MYT1L: variants seen among roughly 807,000 people sequenced by gnomAD.
The protein encoded by MYT1L is myelin transcription factor 1-like protein.
In MYT1L, 12 loss-of-function variants were observed where a neutral mutation model predicts 126.7. That is an observed-to-expected ratio of 0.09 (90% CI 0.06 to 0.15). The LOEUF (loss-of-function observed/expected upper bound fraction) is 0.15. Ranked by LOEUF, MYT1L falls within the 10% of genes least tolerant of loss-of-function variation. MYT1L has a pLI of 1.00. For synonymous variants in MYT1L, 541 were observed against 604.2 expected (o/e 0.90, Z 1.53); for missense variants, 979 against 1,585.2 (o/e 0.62, Z 6.49).
In MYT1L at chr2:1,929,932, C is replaced by A. The variant is rs1006053715; in HGVS notation, c.506-6669G>T. Among the ~76,000 whole-genome samples, 47 of 152,150 alleles carry A rather than the reference C, an allele frequency of 3.1e-4. No homozygotes were observed. The highest frequency in any genetic ancestry group is 4.4e-4 in the Non-Finnish European group (30 of 68,028). On this transcript the variant is annotated intron_variant, in intron 9 of 24. Coordinates refer to ENST00000647738, the MANE Select transcript of MYT1L (RefSeq NM_001303052.2). This position sits in a 1 kb window ranked among gnomAD's most constrained non-coding sequence, Gnocchi z 4.7. ...CAAAACCGGGACATATTCGGAGGGT[C>A]ACAACGCAGTGTCATCTCTAAGATA...
intron 3 of MYT1L, among the ~76,000 whole-genome samples, chr2:2,150,812 G>T (rs1165533599): frequency 6.7e-6 from 1 of 150,144 alleles, no homozygotes; most frequent in Non-Finnish European, 1.5e-5. Context: ...AAAAGAGAAA[G>T]AGAGGGAGTG....
chr2:2,281,005 A>G (rs76033310), intron 2 of MYT1L, among the ~76,000 whole-genome samples: 19,788 of 152,152 alleles, frequency 0.13, 1,608 homozygotes, highest in Admixed American at 0.26. Flanking sequence ...CCGTGGTGAT[A>G]TGGTTTGGCT....
intron 2 of MYT1L, among the ~76,000 whole-genome samples, chr2:2,184,891 A>C (rs1193364444): frequency 6.6e-6 from 1 of 152,224 alleles, no homozygotes; most frequent in Non-Finnish European, 1.5e-5. Flanking sequence ...GCAGCTCGGC[A>C]CTTTAGCTGG....
At chr2:2,079,390 C>T (rs932516426) in intron 3 of MYT1L, among the ~76,000 whole-genome samples, 2 of 152,138 alleles carry the variant, frequency 1.3e-5, no homozygotes, top group Admixed American at 1.3e-4. Flanking sequence ...GAATATTTAA[C>T]ATTATTAAGG....
chr2:2,092,134 T>C (rs992847641), intron 3 of MYT1L, among the ~76,000 whole-genome samples: 2 of 152,236 alleles, frequency 1.3e-5, no homozygotes, highest in Admixed American at 6.5e-5. Context: ...GCTTTTGACC[T>C]GTCTTAGGTT....
At chr2:2,001,715 T>C (rs1049179195) in intron 4 of MYT1L, among the ~76,000 whole-genome samples, 5 of 152,200 alleles carry the variant, frequency 3.3e-5, no homozygotes, top group African/African-American at 1.2e-4. Flanking sequence ...TGTCCTGAAG[T>C]AATTCAGGCA....
At chr2:2,151,089 A>C (rs1021679803) in intron 3 of MYT1L, among the ~76,000 whole-genome samples, 2 of 152,208 alleles carry the variant, frequency 1.3e-5, no homozygotes, top group Non-Finnish European at 1.5e-5. Flanking sequence ...GACAGTAAAA[A>C]CTTTGAGTCT....
chr2:1,876,629 C>T (rs192838264), intron 18 of MYT1L, among the ~76,000 whole-genome samples: 1 of 152,168 alleles, frequency 6.6e-6, no homozygotes, highest in Non-Finnish European at 1.5e-5. Context: ...TGACCCTATG[C>T]GTGCCGCCAT....
intron 13 of MYT1L, among the ~76,000 whole-genome samples, chr2:1,905,659 C>T (rs888315664): frequency 5.3e-5 from 8 of 152,170 alleles, no homozygotes; most frequent in African/African-American, 1.4e-4. Flanking sequence ...TGGAGGAAGA[C>T]AGTAATTTTT....
At chr2:1,945,465 A>G (rs1291060758) in intron 8 of MYT1L, among the ~76,000 whole-genome samples, 1 of 152,084 alleles carries the variant, frequency 6.6e-6, no homozygotes, top group Non-Finnish European at 1.5e-5. Context: ...GTACAGTCAG[A>G]CCCTGGGTGA....
At chr2:1,903,323 G>A (rs376422338) in intron 13 of MYT1L, 29 bp from the exon 14 acceptor site, 18 of 1,574,376 alleles carry the variant, frequency 1.1e-5, no homozygotes, top group Non-Finnish European at 1.4e-5. Flanking sequence ...ACAAACAACA[G>A]CTTGCTTTCC....
chr2:1,952,711 C>T (rs868632782), intron 8 of MYT1L, among the ~76,000 whole-genome samples: 2 of 55,616 alleles, frequency 3.6e-5, no homozygotes, highest in Non-Finnish European at 8.1e-5. Flanking sequence ...TCTTCCTTCC[C>T]TTCCCTCCTT....
rs1320577094 is a variant in MYT1L, at chr2:2,255,951, G to T, written c.-421+28453C>A. On this transcript the variant is annotated intron_variant, in intron 2 of 24. Transcript: ENST00000647738. ...TGAATTAATTCATGGCAACAGCCTT[G>T]CTTTGCTCCCTGGTACTTTTCTGCA... Among the ~76,000 whole-genome samples the T allele has an allele frequency of 6.6e-5, 10 of 152,158 alleles. No individual in the cohort carries two copies. The East Asian group carries it at 1.9e-3, about 29-fold the overall frequency.
intron 18 of MYT1L, among the ~76,000 whole-genome samples, chr2:1,871,975 C>G (rs1209494492): frequency 6.6e-6 from 1 of 152,120 alleles, no homozygotes; most frequent in Non-Finnish European, 1.5e-5. Context: ...ATTGTATGAG[C>G]TGCATTATTC....
chr2:1,963,760 C>T (rs749233906), intron 8 of MYT1L, among the ~76,000 whole-genome samples: 1 of 152,228 alleles, frequency 6.6e-6, no homozygotes, highest in Non-Finnish European at 1.5e-5. Flanking sequence ...CCTTGCCTTA[C>T]CTTCACAGAA....
intron 4 of MYT1L, among the ~76,000 whole-genome samples, chr2:2,008,959 C>G (rs2063572108): frequency 6.6e-6 from 1 of 151,982 alleles, no homozygotes; most frequent in African/African-American, 2.4e-5. Flanking sequence ...CCATTGTGTC[C>G]TCTTGGTGAC....
At chr2:2,177,890 T>A (rs990691486) in intron 2 of MYT1L, among the ~76,000 whole-genome samples, 3 of 152,128 alleles carry the variant, frequency 2.0e-5, no homozygotes, top group Non-Finnish European at 4.4e-5. Context: ...TGTCTTATAT[T>A]TACATGTGCA....
At chr2:1,879,617 T>C (rs7560247) in intron 18 of MYT1L, among the ~76,000 whole-genome samples, 24,116 of 152,112 alleles carry the variant, frequency 0.16, 2,163 homozygotes, top group East Asian at 0.3. Context: ...AAAAAATGTG[T>C]GTGTGCAAAG....
chr2:2,311,113 G>A (rs149109422), intron 1 of MYT1L, among the ~76,000 whole-genome samples: 234 of 152,212 alleles, frequency 1.5e-3, no homozygotes, highest in African/African-American at 4.6e-3. Flanking sequence ...TCCAGACCCC[G>A]GATCTGAACA....
Sources: gnomAD v4.1 joint callset for allele counts (sites outside exome capture counted in the v4.1 genomes callset) on GRCh38, gnomAD v4.1.1 for gene constraint, Gnocchi (gnomAD v3.1) non-coding constraint, MANE v1.5 for transcripts, NCBI Gene and HGNC (gene_info 2026-07-23, HGNC 2026-07-21) for gene names.